Variants in ANKS1B observed in about 807,000 individuals in gnomAD.
The protein encoded by ANKS1B is ankyrin repeat and sterile alpha motif domain-containing protein 1B.
In ANKS1B, 36 loss-of-function variants were observed where a neutral mutation model predicts 148.3. The observed-to-expected ratio is 0.24, with a 90% CI of 0.19 to 0.32. The LOEUF (loss-of-function observed/expected upper bound fraction) is 0.32, where lower values mean the gene tolerates loss of function less well. ANKS1B is among the 10% of genes least tolerant of loss of function. The pLI is 1.00. For missense variants in ANKS1B, 1,157 were observed against 1,542.6 expected, an observed-to-expected ratio of 0.75 and a Z score of 4.19; for synonymous variants, 542 against 560.8, an observed-to-expected ratio of 0.97 and a Z score of 0.47.
At chr12:99,659,493 T>C (rs944517425) in intron 8 of ANKS1B, among the ~76,000 whole-genome samples, 3 of 152,168 alleles carry the variant, frequency 2.0e-5, no homozygotes, top group East Asian at 1.9e-4. Context: ...ACCAATTCTA[T>C]GTTGTTGCAA....
At chr12:99,936,309 T>C (rs183762420) in intron 1 of ANKS1B, among the ~76,000 whole-genome samples, 7 of 152,246 alleles carry the variant, frequency 4.6e-5, no homozygotes, top group Admixed American at 2.0e-4. Flanking sequence ...TAGTTTTCCA[T>C]CCTATATTTC....
intron 26 of ANKS1B, among the ~76,000 whole-genome samples, chr12:98,749,451 G>A (rs1460215190): frequency 6.6e-6 from 1 of 152,038 alleles, no homozygotes; most frequent in Non-Finnish European, 1.5e-5. Flanking sequence ...TAAGCCATCA[G>A]TAAAAAACCC....
chr12:99,241,950 C>T (rs4762226), intron 14 of ANKS1B, among the ~76,000 whole-genome samples: 61,241 of 151,932 alleles, frequency 0.4, 12,746 homozygotes, highest in African/African-American at 0.53. Context: ...TCATACTGAA[C>T]GGGCAAAAAC....
chr12:99,590,407 C>T (rs922079461), intron 9 of ANKS1B, among the ~76,000 whole-genome samples: 1 of 152,124 alleles, frequency 6.6e-6, no homozygotes, highest in Admixed American at 6.6e-5. Context: ...TATAGTAACA[C>T]ATTCCCTTTT....
At chr12:99,783,008 G>A (rs2064520629) in intron 4 of ANKS1B, among the ~76,000 whole-genome samples, 1 of 152,014 alleles carries the variant, frequency 6.6e-6, no homozygotes, top group Admixed American at 6.6e-5. Flanking sequence ...GACCAACATG[G>A]TGAAACCCCA....
intron 8 of ANKS1B, among the ~76,000 whole-genome samples, chr12:99,763,918 TA>T (rs1480696517): frequency 2.0e-5 from 3 of 152,208 alleles, no homozygotes; most frequent in Admixed American, 2.0e-4. Context: ...TAATTTGACT[TA>T]AGATCCTAGC....
chr12:99,449,740 C>T (rs2095695817), intron 10 of ANKS1B, among the ~76,000 whole-genome samples: 1 of 152,142 alleles, frequency 6.6e-6, no homozygotes, highest in South Asian at 2.1e-4. Flanking sequence ...GACAACACAT[C>T]TAGAGTACTT....
chr12:99,174,946 AG>A (rs2078209975), intron 14 of ANKS1B, among the ~76,000 whole-genome samples: 1 of 152,210 alleles, frequency 6.6e-6, no homozygotes. Flanking sequence ...TTGTTAATAG[AG>A]TTAAGAAAAC....
intron 15 of ANKS1B, among the ~76,000 whole-genome samples, chr12:99,118,281 G>C (rs1282117779): frequency 1.3e-5 from 2 of 152,132 alleles, no homozygotes; most frequent in Non-Finnish European, 2.9e-5. Context: ...ATTGGGTTTG[G>C]ATTATTAAAA....
At chr12:99,948,831 G>A (rs921939141) in intron 1 of ANKS1B, among the ~76,000 whole-genome samples, 1 of 152,104 alleles carries the variant, frequency 6.6e-6, no homozygotes, top group African/African-American at 2.4e-5. Flanking sequence ...TTCAGCTAAG[G>A]ATCAGCACTG....
chr12:99,419,955 C>T (rs148928066), intron 11 of ANKS1B, among the ~76,000 whole-genome samples: 331 of 152,288 alleles, frequency 2.2e-3, no homozygotes, highest in African/African-American at 7.5e-3. Flanking sequence ...CAGGCATGAG[C>T]CAGCACACCC....
intron 14 of ANKS1B, among the ~76,000 whole-genome samples, chr12:99,195,146 AGTT>A (rs761375304): frequency 9.2e-5 from 14 of 152,152 alleles, no homozygotes; most frequent in Non-Finnish European, 1.9e-4. Flanking sequence ...TTGGTTTCCT[AGTT>A]AGCTATGCCA....
At chr12:98,880,724 C>T (rs932710660) in intron 17 of ANKS1B, among the ~76,000 whole-genome samples, 3 of 151,886 alleles carry the variant, frequency 2.0e-5, no homozygotes, top group East Asian at 1.9e-4. Context: ...GCCGAGATCG[C>T]GCCACTGCAC....
chr12:99,739,589 T>C (rs2059912789), intron 8 of ANKS1B, among the ~76,000 whole-genome samples: 1 of 152,124 alleles, frequency 6.6e-6, no homozygotes, highest in East Asian at 1.9e-4. Context: ...AAACTAAAAA[T>C]ATTTCTAGCG....
intron 14 of ANKS1B, among the ~76,000 whole-genome samples, chr12:99,220,757 A>C (rs945526184): frequency 6.6e-6 from 1 of 152,046 alleles, no homozygotes; most frequent in Non-Finnish European, 1.5e-5. Flanking sequence ...TAAAAGCAGC[A>C]TTTCTAATCA....
rs144361859 is a variant in ANKS1B at position 99,831,724 on chromosome 12, T to G, written c.135-6335A>C. On this transcript the variant is annotated intron_variant, in intron 1 of 26. Transcript: ENST00000683438. ...TGAGCTCCTACTGATCAGGGTTTTT[T>G]TTTTTTAGCTTATGTGAACCTCCCT... Among the ~76,000 whole-genome samples, 1,074 of 152,218 alleles carry G rather than the reference T, an allele frequency of 7.1e-3. 5 individuals are homozygous for G. The highest frequency in any genetic ancestry group is 0.011 in the Non-Finnish European group (729 of 67,990).
At chr12:99,786,759 G>C (rs974303731) in intron 4 of ANKS1B, among the ~76,000 whole-genome samples, 18 of 152,122 alleles carry the variant, frequency 1.2e-4, no homozygotes, top group African/African-American at 4.3e-4. Context: ...CTCTGTAAAA[G>C]TACACTTTCA....
At chr12:99,632,756 T>TATATAC (rs1208064033) in intron 9 of ANKS1B, among the ~76,000 whole-genome samples, 1 of 90,836 alleles carries the variant, frequency 1.1e-5, no homozygotes, top group African/African-American at 3.8e-5. Flanking sequence ...TATATATATA[T>TATATAC]ATATATATAT....
intron 1 of ANKS1B, among the ~76,000 whole-genome samples, chr12:99,864,501 C>T (rs1465288535): frequency 6.6e-6 from 1 of 152,126 alleles, no homozygotes; most frequent in South Asian, 2.1e-4. Context: ...TTTATTCACA[C>T]TAATCTTCCC....
Sources: allele counts gnomAD v4.1 joint callset (sites outside exome capture counted in the v4.1 genomes callset), GRCh38; gene constraint gnomAD v4.1.1; transcripts MANE v1.5; gene names NCBI Gene and HGNC (gene_info 2026-07-23, HGNC 2026-07-21).